CHRNA7: variants seen among roughly 807,000 people sequenced by gnomAD.
CHRNA7 encodes the protein neuronal acetylcholine receptor subunit alpha-7.
CHRNA7 carries 17 observed loss-of-function variants against 48.0 expected under a neutral mutation model. The ratio of observed to expected loss-of-function variants is 0.35; its 90% CI spans 0.24 to 0.53. The LOEUF is 0.53. Ranked by LOEUF, CHRNA7 falls within the 20% of genes least tolerant of loss-of-function variation. The pLI is 0.92. For missense variants in CHRNA7, 155 were observed against 577.7 expected (o/e 0.27, Z 7.50); for synonymous variants, 75 against 242.3 (o/e 0.31, Z 6.41).
chr15:32,144,506 G>C (rs1031530043), intron 4 of CHRNA7, among the ~76,000 whole-genome samples: 1 of 152,178 alleles, frequency 6.6e-6, no homozygotes, highest in Non-Finnish European at 1.5e-5. Flanking sequence ...ATCCTGAAGG[G>C]TGTTTTCCAA....
In CHRNA7 at chr15:32,076,110, C is replaced by T. The variant is rs145323851; in HGVS notation, c.196-25193C>T. 3.5e-3 allele frequency among the ~76,000 whole-genome samples: 538 copies of T among 152,102 alleles called. 3 individuals carry two copies. Among genetic ancestry groups the T allele is most frequent in the African/African-American group, 0.012 (504 of 41,496 alleles). ...AGTATGGCACATTTTGGTATGTACT[C>T]CATGGCCACGTGAAAAGAGTATTTT... On this transcript the variant is annotated intron_variant, in intron 2 of 9. Coordinates refer to ENST00000306901, the MANE Select transcript of CHRNA7 (RefSeq NM_000746.6).
chr15:32,124,622 G>A (rs998100354), intron 4 of CHRNA7, among the ~76,000 whole-genome samples: 2 of 152,160 alleles, frequency 1.3e-5, no homozygotes, highest in African/African-American at 4.8e-5. Flanking sequence ...GGCAAACAAA[G>A]CTGACTGTTG....
At chr15:32,049,778 C>T (rs2049630555) in intron 2 of CHRNA7, among the ~76,000 whole-genome samples, 1 of 152,178 alleles carries the variant, frequency 6.6e-6, no homozygotes, top group Admixed American at 6.5e-5. Flanking sequence ...TTTGCAGCAG[C>T]TAGTACCGGT....
chr15:32,124,054 C>T (rs371354826), intron 4 of CHRNA7, among the ~76,000 whole-genome samples: 1 of 149,914 alleles, frequency 6.7e-6, no homozygotes, highest in South Asian at 2.1e-4. Flanking sequence ...CACAAAAATT[C>T]AAATGGATTT....
chr15:32,053,199 C>G (rs1317709858), intron 2 of CHRNA7, among the ~76,000 whole-genome samples: 2 of 152,174 alleles, frequency 1.3e-5, no homozygotes, highest in Non-Finnish European at 2.9e-5. Flanking sequence ...AGGAATCTTT[C>G]TTGTAAATGT....
intron 2 of CHRNA7, among the ~76,000 whole-genome samples, chr15:32,097,326 C>T (rs1199458888): frequency 4.6e-5 from 7 of 151,990 alleles, no homozygotes; most frequent in Non-Finnish European, 7.4e-5. Flanking sequence ...TGTTTTTTTC[C>T]CCCACTAAAT....
chr15:32,092,175 A>G (rs1032849951), intron 2 of CHRNA7, among the ~76,000 whole-genome samples: 4 of 152,196 alleles, frequency 2.6e-5, no homozygotes, highest in Non-Finnish European at 5.9e-5. Context: ...CCTTCATGCC[A>G]GTAACTTAAT....
At chr15:32,054,596 C>T (rs2049752839) in intron 2 of CHRNA7, among the ~76,000 whole-genome samples, 1 of 152,182 alleles carries the variant, frequency 6.6e-6, no homozygotes, top group Non-Finnish European at 1.5e-5. Context: ...AACTGTTTGC[C>T]TTACTTCAAA....
intron 2 of CHRNA7, among the ~76,000 whole-genome samples, chr15:32,059,312 T>C (rs947390337): frequency 6.6e-6 from 1 of 152,206 alleles, no homozygotes; most frequent in Admixed American, 6.5e-5. Context: ...TATTTGCTCA[T>C]TAAATGAATG....
intron 6 of CHRNA7, 133 bp from the exon 7 acceptor site, chr15:32,158,279 C>CA: frequency 2.5e-6 from 2 of 809,316 alleles, no homozygotes; most frequent in South Asian, 2.2e-5. Context: ...AAGCTAATTA[C>CA]AACCCCCCCC....
intron 2 of CHRNA7, among the ~76,000 whole-genome samples, chr15:32,077,257 A>G (rs1301016740): frequency 1.3e-5 from 2 of 152,114 alleles, no homozygotes; most frequent in Middle Eastern, 3.2e-3. Context: ...TTCTATAAAC[A>G]TCTGTGTATA....
At position 32,030,520 on chromosome 15, in the gene CHRNA7, T is replaced by A; in HGVS notation, c.-75T>A. 1 of 1,333,314 alleles carries A rather than the reference T, an allele frequency of 7.5e-7. No homozygotes were observed. The highest frequency in any genetic ancestry group is 9.6e-7 in the Non-Finnish European group (1 of 1,045,296). The allele number at this position is 1,333,314 out of a possible 1,614,324, so 82.6% of individuals were successfully genotyped here. ...CGCGAGCCGAGCGGCGAGGTGCCTC[T>A]GTGGCCGCAGGCGCAGGCCCGGGCG... On this transcript the variant is annotated 5_prime_UTR_variant, in exon 1 of 10. Coordinates refer to ENST00000306901, the MANE Select transcript of CHRNA7 (RefSeq NM_000746.6).
chr15:32,130,306 A>G (rs78302926), intron 4 of CHRNA7, among the ~76,000 whole-genome samples: 2,192 of 151,998 alleles, frequency 0.014, 39 homozygotes, highest in Middle Eastern at 0.041. Context: ...GAACTTGTCT[A>G]TATCTTTTGA....
At chr15:32,126,883 C>A (rs2051075857) in intron 4 of CHRNA7, among the ~76,000 whole-genome samples, 3 of 152,066 alleles carry the variant, frequency 2.0e-5, no homozygotes, top group Admixed American at 1.3e-4. Flanking sequence ...TTGGTATATT[C>A]CACAAAGTTT....
intron 2 of CHRNA7, 92 bp from the exon 3 acceptor site, chr15:32,101,211 C>T: frequency 7.3e-7 from 1 of 1,370,412 alleles, no homozygotes; most frequent in Non-Finnish European, 1.0e-6. Flanking sequence ...CAACAACGCT[C>T]TCGACAGTCA....
chr15:32,089,903 A>T (rs758471867), intron 2 of CHRNA7, among the ~76,000 whole-genome samples: 1 of 152,162 alleles, frequency 6.6e-6, no homozygotes, highest in Non-Finnish European at 1.5e-5. Flanking sequence ...AGGTTCTTCT[A>T]GTGTTCCTGT....
At chr15:32,122,137 T>A (rs1423131299) in intron 4 of CHRNA7, among the ~76,000 whole-genome samples, 5 of 152,168 alleles carry the variant, frequency 3.3e-5, no homozygotes, top group Non-Finnish European at 7.4e-5. Flanking sequence ...CCCCCCAAGT[T>A]AGTGTGACAA....
chr15:32,085,489 C>G (rs1449973945), intron 2 of CHRNA7, among the ~76,000 whole-genome samples: 1 of 152,178 alleles, frequency 6.6e-6, no homozygotes, highest in Non-Finnish European at 1.5e-5. Flanking sequence ...TCGGGCATGT[C>G]TTACAGTTGA....
At chr15:32,142,233 C>T (rs618362) in intron 4 of CHRNA7, among the ~76,000 whole-genome samples, 8 of 152,146 alleles carry the variant, frequency 5.3e-5, no homozygotes, top group Non-Finnish European at 7.4e-5. Flanking sequence ...TATTGATTTG[C>T]ATATATTGAA....
Sources: allele counts gnomAD v4.1 joint callset (sites outside exome capture counted in the v4.1 genomes callset), GRCh38; gene constraint gnomAD v4.1.1; transcripts MANE v1.5; gene names NCBI Gene and HGNC (gene_info 2026-07-23, HGNC 2026-07-21).